Variants in FER observed in about 807,000 individuals in gnomAD.
The protein encoded by FER is tyrosine-protein kinase Fer.
Under a neutral mutation model 111.0 loss-of-function variants are expected in FER, and 63 were observed. The ratio of observed to expected loss-of-function variants is 0.57; its 90% CI spans 0.46 to 0.70. The LOEUF (loss-of-function observed/expected upper bound fraction) is 0.70. Ranked by LOEUF, FER falls within the 30% of genes least tolerant of loss-of-function variation. FER has a pLI of 0.00. For synonymous variants in FER, 327 were observed against 313.9 expected (o/e 1.04, Z -0.44); for missense variants, 914 against 954.0 (o/e 0.96, Z 0.55).
chr5:108,751,824 A>C (rs1750542042), intron 1 of FER, among the ~76,000 whole-genome samples: 1 of 152,110 alleles, frequency 6.6e-6, no homozygotes, highest in South Asian at 2.1e-4. Flanking sequence ...ATTTATAGTA[A>C]AGGAATAAGT....
At chr5:108,851,565 C>T (rs780750609) in intron 5 of FER, among the ~76,000 whole-genome samples, 45 of 151,800 alleles carry the variant, frequency 3.0e-4, no homozygotes, top group Non-Finnish European at 5.0e-4. Context: ...GTAAAAAAAA[C>T]AAAAACAAAA....
chr5:109,011,430 C>G lies in FER; in HGVS notation c.1657-25992C>G, dbSNP rs191066328. 2.7e-4 allele frequency among the ~76,000 whole-genome samples: 41 copies of G among 152,270 alleles called. 1 individual carries two copies. The highest frequency in any genetic ancestry group is 1.8e-3 in the Admixed American group (27 of 15,302). Reference sequence around the variant, plus strand: ...TTTGTCTTTGTTTTCAGTACATTAACTGGAATTTGTTTCTTGTCTCGCTCA... The same window carrying G: ...TTTGTCTTTGTTTTCAGTACATTAAGTGGAATTTGTTTCTTGTCTCGCTCA... On this transcript the variant is annotated intron_variant, in intron 13 of 19. Transcript: ENST00000281092.
At chr5:108,822,769 T>TTTATTTTATG (rs1255013066) in intron 3 of FER, among the ~76,000 whole-genome samples, 1,552 of 101,546 alleles carry the variant, frequency 0.015, 53 homozygotes, top group African/African-American at 0.044. Context: ...TTTTATTTAT[T>TTTATTTTATG]TTATTTTATG....
At chr5:108,961,013 G>A (rs1383015542) in intron 13 of FER, among the ~76,000 whole-genome samples, 1 of 152,124 alleles carries the variant, frequency 6.6e-6, no homozygotes, top group African/African-American at 2.4e-5. Context: ...GCTTGAGCCC[G>A]GGAGGTTGAG....
intron 17 of FER, among the ~76,000 whole-genome samples, chr5:109,169,757 C>G (rs1756913089): frequency 6.6e-6 from 1 of 152,130 alleles, no homozygotes; most frequent in African/African-American, 2.4e-5. Flanking sequence ...ATTTGCCACC[C>G]AGGAGTGTGG....
At chr5:108,779,784 CCTT>C (rs1346978368) in intron 2 of FER, among the ~76,000 whole-genome samples, 1 of 152,094 alleles carries the variant, frequency 6.6e-6, no homozygotes, top group African/African-American at 2.4e-5. Flanking sequence ...TTAAAAATCT[CCTT>C]CTTATCTCAC....
chr5:108,988,712 TTATC>T (rs1762837835), intron 13 of FER, among the ~76,000 whole-genome samples: 1 of 152,140 alleles, frequency 6.6e-6, no homozygotes, highest in South Asian at 2.1e-4. Flanking sequence ...TCTATCAATT[TTATC>T]TATCTTTTCA....
intron 17 of FER, among the ~76,000 whole-genome samples, chr5:109,172,723 C>T (rs1227764328): frequency 6.6e-6 from 1 of 152,078 alleles, no homozygotes; most frequent in African/African-American, 2.4e-5. Flanking sequence ...TCTGTACCCC[C>T]ACCAAGTTCC....
chr5:109,016,236 A>AT (rs1767099481), intron 13 of FER, among the ~76,000 whole-genome samples: 1 of 151,770 alleles, frequency 6.6e-6, no homozygotes, highest in South Asian at 2.1e-4. Context: ...AGCATACAAT[A>AT]TATTGTTAAT....
At chr5:108,915,451 C>T (rs1752142318) in intron 10 of FER, among the ~76,000 whole-genome samples, 1 of 152,112 alleles carries the variant, frequency 6.6e-6, no homozygotes, top group Non-Finnish European at 1.5e-5. Context: ...ATTGACACTC[C>T]ATCTCAAAAC....
At chr5:109,052,534 A>G (rs941022764) in intron 16 of FER, 23 of 706,458 alleles carry the variant, frequency 3.3e-5, no homozygotes, top group Non-Finnish European at 4.7e-5. Context: ...GGATGAAGTA[A>G]AATGAAAAGG....
chr5:108,874,215 T>C (rs890515711), intron 8 of FER, among the ~76,000 whole-genome samples: 4 of 152,196 alleles, frequency 2.6e-5, no homozygotes, highest in Non-Finnish European at 5.9e-5. Context: ...CTACCTGTTA[T>C]AAGCTTATGT....
At chr5:108,813,350 C>G (rs571141235) in intron 3 of FER, among the ~76,000 whole-genome samples, 4 of 152,106 alleles carry the variant, frequency 2.6e-5, no homozygotes, top group African/African-American at 9.6e-5. Context: ...CATTATGTGC[C>G]TTTATGTAGT....
intron 1 of FER, among the ~76,000 whole-genome samples, chr5:108,758,169 G>A (rs1395563410): frequency 1.3e-5 from 2 of 152,278 alleles, no homozygotes; most frequent in South Asian, 2.1e-4. Context: ...TCCATTTTCG[G>A]TCTTTCTACA....
At chr5:108,918,528 C>T (rs932657921) in intron 10 of FER, among the ~76,000 whole-genome samples, 1 of 149,716 alleles carries the variant, frequency 6.7e-6, no homozygotes, top group South Asian at 2.1e-4. Flanking sequence ...GCTCTGTTGC[C>T]CAGGCTGGAG....
intron 5 of FER, among the ~76,000 whole-genome samples, chr5:108,843,641 T>G (rs1485442966): frequency 6.6e-6 from 1 of 151,146 alleles, no homozygotes. Context: ...GTAATTCTCC[T>G]CCTCAGCCTC....
intron 16 of FER, among the ~76,000 whole-genome samples, chr5:109,094,939 G>A (rs549577895): frequency 4.6e-5 from 7 of 152,156 alleles, no homozygotes; most frequent in South Asian, 2.1e-4. Context: ...ATCTCTCCTC[G>A]CAGTTTGCAT....
chr5:108,957,504 G>T (rs1332492612), intron 12 of FER, among the ~76,000 whole-genome samples: 2 of 151,552 alleles, frequency 1.3e-5, no homozygotes, highest in African/African-American at 4.8e-5. Flanking sequence ...ACTGTTGATG[G>T]GAATGTAAAT....
At chr5:109,133,653 C>T (rs532440493) in intron 17 of FER, among the ~76,000 whole-genome samples, 15 of 152,144 alleles carry the variant, frequency 9.9e-5, no homozygotes, top group African/African-American at 3.6e-4. Flanking sequence ...TGAAGCAAGA[C>T]CATGTCAAGA....
Sources: gnomAD v4.1 joint callset for allele counts (sites outside exome capture counted in the v4.1 genomes callset) on GRCh38, gnomAD v4.1.1 for gene constraint, MANE v1.5 for transcripts, NCBI Gene and HGNC (gene_info 2026-07-23, HGNC 2026-07-21) for gene names.